CTNNBL1: variants seen among roughly 807,000 people sequenced by gnomAD.
The protein encoded by CTNNBL1 is catenin beta like 1.
CTNNBL1 carries 31 observed loss-of-function variants against 72.7 expected under a neutral mutation model. The observed-to-expected ratio is 0.43, with a 90% CI of 0.32 to 0.58. The LOEUF is 0.58. Among genes scored for constraint, CTNNBL1 ranks in the 20% least tolerant of loss-of-function variants. The pLI is 0.08. For missense variants in CTNNBL1, 534 were observed against 725.1 expected (o/e 0.74, Z 3.03); for synonymous variants, 240 against 267.3 (o/e 0.90, Z 1.00).
At chr20:37,694,552 T>C (rs1376174633) in intron 1 of CTNNBL1, among the ~76,000 whole-genome samples, 1 of 152,216 alleles carries the variant, frequency 6.6e-6, no homozygotes, top group Non-Finnish European at 1.5e-5. Context: ...ACTGGCTATG[T>C]GGCTTTTGGA....
chr20:37,810,098 A>G (rs1349884507), intron 11 of CTNNBL1, among the ~76,000 whole-genome samples: 1 of 152,156 alleles, frequency 6.6e-6, no homozygotes, highest in Non-Finnish European at 1.5e-5. Context: ...AACTCATGCA[A>G]ATCTAACACA....
chr20:37,745,153 C>T (rs1054366502), intron 3 of CTNNBL1, among the ~76,000 whole-genome samples: 1 of 151,998 alleles, frequency 6.6e-6, no homozygotes, highest in African/African-American at 2.4e-5. Context: ...TGGAGAAAAA[C>T]AGTAATAGAA....
intron 5 of CTNNBL1, among the ~76,000 whole-genome samples, chr20:37,760,112 C>T (rs1044201270): frequency 1.3e-5 from 2 of 152,176 alleles, no homozygotes; most frequent in South Asian, 2.1e-4. Flanking sequence ...CTGTTACTTA[C>T]GCAAAAGGCA....
intron 13 of CTNNBL1, among the ~76,000 whole-genome samples, chr20:37,848,819 G>A (rs978443866): frequency 6.6e-6 from 1 of 151,732 alleles, no homozygotes; most frequent in South Asian, 2.1e-4. Flanking sequence ...CTCATAGGCT[G>A]GTTGCAAGAT....
chr20:37,785,883 T>C (rs1051779630), intron 10 of CTNNBL1, among the ~76,000 whole-genome samples: 1 of 152,210 alleles, frequency 6.6e-6, no homozygotes, highest in Non-Finnish European at 1.5e-5. Context: ...TCATCCTTCT[T>C]GGGAAGGCTT....
chr20:37,868,791 C>A (rs1257443644), intron 15 of CTNNBL1, among the ~76,000 whole-genome samples: 1 of 152,218 alleles, frequency 6.6e-6, no homozygotes, highest in Non-Finnish European at 1.5e-5. Context: ...GCCGGCTTTA[C>A]TGTTGGAAAA....
intron 5 of CTNNBL1, among the ~76,000 whole-genome samples, chr20:37,760,299 G>A (rs540496044): frequency 6.6e-6 from 1 of 152,278 alleles, no homozygotes; most frequent in East Asian, 1.9e-4. Context: ...CTACTTGCCA[G>A]TCCCCAAACT....
chr20:37,804,261 G>C (rs1333571321), intron 11 of CTNNBL1, among the ~76,000 whole-genome samples: 1 of 152,208 alleles, frequency 6.6e-6, no homozygotes. Context: ...GTCCCTGGGA[G>C]AGGGAATGGA....
At chr20:37,852,221 A>C (rs1221112931) in intron 13 of CTNNBL1, among the ~76,000 whole-genome samples, 1 of 152,164 alleles carries the variant, frequency 6.6e-6, no homozygotes, top group Non-Finnish European at 1.5e-5. Context: ...ATAGATTTTC[A>C]CTCTGAAGTT....
intron 1 of CTNNBL1, among the ~76,000 whole-genome samples, chr20:37,712,304 G>T (rs1045440993): frequency 6.6e-6 from 1 of 152,190 alleles, no homozygotes; most frequent in Non-Finnish European, 1.5e-5. Context: ...ATGGCCTGAG[G>T]ACAATGCAGC....
At chr20:37,740,866 C>T (rs2073209774) in intron 3 of CTNNBL1, among the ~76,000 whole-genome samples, 1 of 152,202 alleles carries the variant, frequency 6.6e-6, no homozygotes, top group African/African-American at 2.4e-5. Context: ...GATCTCCAGC[C>T]ACCCCGCTAC....
At position 37,777,328 on chromosome 20, in the gene CTNNBL1, C is replaced by T; in HGVS notation, c.751-17C>T. ...AGACCCCTTAACATTTTTCTCATTT[C>T]TCCTATTTCCCCATAGGCAAAGATG... On this transcript the variant is annotated splice_polypyrimidine_tract_variant and intron_variant, in intron 7 of 15. Coordinates refer to ENST00000361383, the MANE Select transcript of CTNNBL1 (RefSeq NM_030877.5). 1 of 1,608,954 alleles carries T rather than the reference C, an allele frequency of 6.2e-7. No individual in the cohort carries two copies. The highest frequency in any genetic ancestry group is 8.5e-7 in the Non-Finnish European group (1 of 1,175,390).
At chr20:37,719,195 G>A (rs935227480) in intron 1 of CTNNBL1, among the ~76,000 whole-genome samples, 11 of 152,102 alleles carry the variant, frequency 7.2e-5, no homozygotes, top group Admixed American at 2.6e-4. Flanking sequence ...TTACCCTAAT[G>A]GCCCAAGGAA....
At chr20:37,719,089 T>C (rs973429802) in intron 1 of CTNNBL1, among the ~76,000 whole-genome samples, 9 of 152,208 alleles carry the variant, frequency 5.9e-5, no homozygotes, top group Admixed American at 2.6e-4. Context: ...GATGCCACCA[T>C]TGGAAAATTT....
intron 11 of CTNNBL1, among the ~76,000 whole-genome samples, chr20:37,825,993 C>T (rs1290973057): frequency 1.3e-5 from 2 of 152,192 alleles, no homozygotes; most frequent in Admixed American, 6.5e-5. Flanking sequence ...GTACACACAT[C>T]GCAAGCACTG....
At chr20:37,713,205 G>A (rs2072954110) in intron 1 of CTNNBL1, among the ~76,000 whole-genome samples, 1 of 152,228 alleles carries the variant, frequency 6.6e-6, no homozygotes, top group South Asian at 2.1e-4. Flanking sequence ...GATGGCATGT[G>A]CCTCTGGCTG....
At chr20:37,700,439 CT>C (rs753164842) in intron 1 of CTNNBL1, among the ~76,000 whole-genome samples, 1 of 152,132 alleles carries the variant, frequency 6.6e-6, no homozygotes, top group Non-Finnish European at 1.5e-5. Flanking sequence ...GAGATTGGTT[CT>C]TCTACAAGTA....
chr20:37,756,768 T>C (rs746819591), intron 4 of CTNNBL1, among the ~76,000 whole-genome samples: 3 of 151,448 alleles, frequency 2.0e-5, no homozygotes, highest in Non-Finnish European at 4.4e-5. Context: ...CTCCCAAGTT[T>C]CTGGGACTAC....
At chr20:37,796,651 C>T (rs1322622851) in intron 10 of CTNNBL1, among the ~76,000 whole-genome samples, 1 of 152,000 alleles carries the variant, frequency 6.6e-6, no homozygotes, top group East Asian at 1.9e-4. Context: ...CATATCAGGC[C>T]TCAGTCATAA....
Sources: gnomAD v4.1 joint callset for allele counts (sites outside exome capture counted in the v4.1 genomes callset) on GRCh38, gnomAD v4.1.1 for gene constraint, MANE v1.5 for transcripts, NCBI Gene and HGNC (gene_info 2026-07-23, HGNC 2026-07-21) for gene names.